Variants in EXOC4 observed in about 807,000 individuals in gnomAD.
EXOC4 encodes exocyst complex component 4.
Under a neutral mutation model 107.2 loss-of-function variants are expected in EXOC4, and 71 were observed. The observed-to-expected ratio is 0.66, with a 90% CI of 0.55 to 0.81. The LOEUF (loss-of-function observed/expected upper bound fraction) is 0.81. Ranked by LOEUF, EXOC4 falls within the 30% of genes least tolerant of loss-of-function variation. The pLI is 0.00. For synonymous variants in EXOC4, 456 were observed against 441.2 expected (o/e 1.03, Z -0.42); for missense variants, 1,108 against 1,189.6 (o/e 0.93, Z 1.01).
intron 17 of EXOC4, among the ~76,000 whole-genome samples, chr7:134,033,194 G>T (rs928666008): frequency 6.6e-6 from 1 of 152,106 alleles, no homozygotes; most frequent in African/African-American, 2.4e-5. Context: ...AAAAAAAAAT[G>T]TCAGAGTGCC....
intron 1 of EXOC4, among the ~76,000 whole-genome samples, chr7:133,264,457 C>G (rs1793667703): frequency 6.6e-6 from 1 of 152,234 alleles, no homozygotes; most frequent in East Asian, 1.9e-4. Flanking sequence ...TTGTGAATTG[C>G]TATCAATTGG....
intron 10 of EXOC4, among the ~76,000 whole-genome samples, chr7:133,811,180 G>T (rs965259741): frequency 6.6e-6 from 1 of 152,064 alleles, no homozygotes; most frequent in African/African-American, 2.4e-5. Context: ...ATTTACAGGG[G>T]ATAGGAAACC....
chr7:134,092,972 A>G, the EXOC4 span, among the ~76,000 whole-genome samples: 1 of 151,854 alleles, frequency 6.6e-6, no homozygotes, highest in Non-Finnish European at 1.5e-5. Context: ...TGCCAGAAAT[A>G]CATACTTAAG....
chr7:134,015,746 G>T (rs576089692), intron 17 of EXOC4, among the ~76,000 whole-genome samples: 1 of 151,952 alleles, frequency 6.6e-6, no homozygotes, highest in South Asian at 2.1e-4. Context: ...GTGGTGGCAC[G>T]TGCCTGTAAT....
At chr7:133,566,461 C>A (rs572497703) in intron 9 of EXOC4, among the ~76,000 whole-genome samples, 1 of 152,120 alleles carries the variant, frequency 6.6e-6, no homozygotes, top group Non-Finnish European at 1.5e-5. Context: ...TAAGTGCAGA[C>A]TAAAATAGGA....
chr7:133,358,589 T>A (rs1027970835), intron 6 of EXOC4, among the ~76,000 whole-genome samples: 4 of 152,176 alleles, frequency 2.6e-5, no homozygotes, highest in African/African-American at 9.7e-5. Context: ...GACTCCTTAC[T>A]GATGAATACT....
At chr7:133,478,722 G>A (rs1281177806) in intron 8 of EXOC4, among the ~76,000 whole-genome samples, 1 of 152,112 alleles carries the variant, frequency 6.6e-6, no homozygotes, top group African/African-American at 2.4e-5. Context: ...TTTAAGTCCT[G>A]CCTTATTGTG....
chr7:133,378,081 C>T (rs1229028375), intron 7 of EXOC4, among the ~76,000 whole-genome samples: 1 of 151,928 alleles, frequency 6.6e-6, no homozygotes, highest in Non-Finnish European at 1.5e-5. Flanking sequence ...GAACCCGAGG[C>T]GGGTGGATCA....
intron 9 of EXOC4, chr7:133,484,191 A>G: frequency 1.3e-6 from 2 of 1,544,220 alleles, no homozygotes; most frequent in Non-Finnish European, 1.7e-6. Flanking sequence ...TAAAAGGATT[A>G]AAAAAATGAG....
At position 134,028,833 on chromosome 7, in the gene EXOC4, C is replaced by T. The variant is rs899559537; in HGVS notation, c.2687+20998C>T. Among the ~76,000 whole-genome samples the T allele has an allele frequency of 3.9e-5, 6 of 152,186 alleles. No individual in the cohort carries two copies. In the East Asian group the frequency reaches 7.7e-4, roughly 20 times the overall value. ...GGAAAGCAGAGATTTAGTGTTGGGG[C>T]CACTTACACGTAATCTTCTTTTTCT... On this transcript the variant is annotated intron_variant, in intron 17 of 17. Coordinates refer to ENST00000253861, the MANE Select transcript of EXOC4 (RefSeq NM_021807.4).
intron 7 of EXOC4, among the ~76,000 whole-genome samples, chr7:133,410,475 T>G (rs1044160125): frequency 6.6e-6 from 1 of 152,196 alleles, no homozygotes; most frequent in South Asian, 2.1e-4. Context: ...TTATCTGATT[T>G]ATTTTTTACA....
rs117701699 is a variant in EXOC4, at chr7:133,617,538, C to T, written c.1418-12507C>T. On this transcript the variant is annotated intron_variant, in intron 9 of 17. Transcript: ENST00000253861. ...AAGTACTGCTAAAGCCAGTTTTCAC[C>T]CTAAGGGTATTTACCAAACCCAAGT... 1.0e-2 allele frequency among the ~76,000 whole-genome samples: 1,518 copies of T among 152,234 alleles called. 12 individuals are homozygous for T. Among genetic ancestry groups the T allele is most frequent in the Non-Finnish European group, 0.015 (1,023 of 68,004 alleles).
rs190431284 is a variant in EXOC4, at chr7:133,459,928, A to G, written c.1183-15400A>G. Among the ~76,000 whole-genome samples the G allele has an allele frequency of 2.0e-5, 3 of 152,358 alleles. No individual in the cohort carries two copies. In the East Asian group the frequency reaches 5.8e-4, roughly 29 times the overall value. On this transcript the variant is annotated intron_variant, in intron 7 of 17. Transcript: ENST00000253861. ...TATGAGTATATATTGCTTTTAAATA[A>G]AAGATCAAAATAAAGAATTATTTGG...
chr7:133,920,089 T>C (rs1334314002), intron 13 of EXOC4, among the ~76,000 whole-genome samples: 1 of 152,214 alleles, frequency 6.6e-6, no homozygotes, highest in African/African-American at 2.4e-5. Flanking sequence ...TTCTTATGAA[T>C]GTGTAGAGAT....
chr7:133,516,772 T>TTTTTTTTTTTTTTTTTTTTTTC (rs71188898), intron 9 of EXOC4, among the ~76,000 whole-genome samples: 10 of 146,210 alleles, frequency 6.8e-5, no homozygotes, highest in South Asian at 2.2e-4. Flanking sequence ...TTTTTTTTTT[T>TTTTTTTTTTTTTTTTTTTTTTC]ACAGAATTTA....
At chr7:133,935,444 T>G (rs1800277827) in intron 13 of EXOC4, among the ~76,000 whole-genome samples, 1 of 152,146 alleles carries the variant, frequency 6.6e-6, no homozygotes, top group Non-Finnish European at 1.5e-5. Flanking sequence ...CAAGAACGCA[T>G]GGGATAATGG....
intron 11 of EXOC4, among the ~76,000 whole-genome samples, chr7:133,888,717 A>C (rs972435427): frequency 1.3e-5 from 2 of 152,112 alleles, no homozygotes; most frequent in African/African-American, 4.8e-5. Flanking sequence ...AATATGAAAC[A>C]CTGTAATCTC....
At chr7:133,432,477 GTAGA>G (rs779805946) in intron 7 of EXOC4, among the ~76,000 whole-genome samples, 11 of 152,202 alleles carry the variant, frequency 7.2e-5, no homozygotes, top group Admixed American at 2.6e-4. Flanking sequence ...GAAAATTTTG[GTAGA>G]TAGATATATA....
chr7:133,444,285 G>A (rs981307164), intron 7 of EXOC4, among the ~76,000 whole-genome samples: 16 of 152,174 alleles, frequency 1.1e-4, no homozygotes, highest in African/African-American at 3.6e-4. Context: ...AGCAAGTGGG[G>A]CTTGGCGTTT....
Sources: gnomAD v4.1 joint callset for allele counts (sites outside exome capture counted in the v4.1 genomes callset) on GRCh38, gnomAD v4.1.1 for gene constraint, MANE v1.5 for transcripts, NCBI Gene and HGNC (gene_info 2026-07-23, HGNC 2026-07-21) for gene names.